The following GSTT4 variants were observed in gnomAD, a reference collection of about 807,000 sequenced individuals.
GSTT4 encodes the protein glutathione S-transferase theta-4.
At chr22:24,002,349 A>C (rs943629374) in intron 2 of GSTT4, among the ~76,000 whole-genome samples, 2 of 152,192 alleles carry the variant, frequency 1.3e-5, no homozygotes, top group Non-Finnish European at 2.9e-5. Flanking sequence ...AGGGAAGGGG[A>C]TGGAGGGGAG....
intron 1 of GSTT4, chr22:24,004,084 C>G (rs1569041440): frequency 6.5e-6 from 1 of 153,548 alleles, no homozygotes; most frequent in Admixed American, 6.5e-5. Context: ...TGCCTCCTAC[C>G]TGTGTCCCAG....
intron 2 of GSTT4, among the ~76,000 whole-genome samples, chr22:24,002,854 C>A (rs993054205): frequency 5.5e-5 from 8 of 145,630 alleles, no homozygotes; most frequent in African/African-American, 1.0e-4. Context: ...AAAAAAACTT[C>A]TTTGGATCCT....
chr22:24,003,503 G>A (rs945097740), intron 2 of GSTT4, among the ~76,000 whole-genome samples: 2 of 152,266 alleles, frequency 1.3e-5, no homozygotes, highest in African/African-American at 4.8e-5. Flanking sequence ...GCATGAGCTG[G>A]CTTCTAAACA....
downstream of GSTT4, among the ~76,000 whole-genome samples, chr22:23,996,090 T>G (rs2034112613): frequency 6.6e-6 from 1 of 151,996 alleles, no homozygotes; most frequent in South Asian, 2.1e-4. Flanking sequence ...ACTACAGGCA[T>G]GCGCCACCAC....
chr22:23,995,132 TG>T (rs201500882), downstream of GSTT4, among the ~76,000 whole-genome samples: 1 of 151,448 alleles, frequency 6.6e-6, no homozygotes, highest in Non-Finnish European at 1.5e-5. Flanking sequence ...GTTTTTTTTT[TG>T]TTTGTTTGTT....
At chr22:24,004,792 T>G in intron 1 of GSTT4, 1 of 152,420 alleles carries the variant, frequency 6.6e-6, no homozygotes, top group Non-Finnish European at 1.5e-5. Context: ...TGGACAAGGA[T>G]GCAGCCTACA....
chr22:23,994,337 C>G (rs2844004), downstream of GSTT4, among the ~76,000 whole-genome samples: 1 of 145,138 alleles, frequency 6.9e-6, no homozygotes, highest in Non-Finnish European at 1.6e-5. Context: ...AGTTTTGTCA[C>G]CATCACAGTT....
downstream of GSTT4, among the ~76,000 whole-genome samples, chr22:23,995,145 T>TG (rs2034104083): frequency 2.7e-5 from 4 of 147,624 alleles, no homozygotes; most frequent in African/African-American, 7.5e-5. Flanking sequence ...TTGTTTGTTT[T>TG]TTTTTTGAGT....
In GSTT4 at chr22:24,003,860, G is replaced by A. The variant is rs2034292827; in HGVS notation, c.113-13C>T. 1 of 155,566 alleles carries A rather than the reference G, an allele frequency of 6.4e-6. No individual in the cohort carries two copies. The highest frequency in any genetic ancestry group is 1.5e-5 in the Non-Finnish European group (1 of 68,506). 9.6% of individuals were successfully genotyped at this position (155,566 alleles called of 1,614,324 possible). On this transcript the variant is annotated splice_polypyrimidine_tract_variant and intron_variant, in intron 1 of 4. Coordinates refer to ENST00000621179, the MANE Select transcript of GSTT4 (RefSeq NM_001358664.2). ...CTGTGGTGGTGACCTGGGAGGGGCA[G>A]GGAAGGTCTGAGGCTGTGGGACTCC...
downstream of GSTT4, among the ~76,000 whole-genome samples, chr22:23,997,867 T>C (rs1238837918): frequency 2.6e-5 from 4 of 152,184 alleles, no homozygotes; most frequent in African/African-American, 9.7e-5. Context: ...TGTTGTGTTT[T>C]CATTTTTATT....
chr22:24,004,726 A>G (rs1250885302), intron 1 of GSTT4: 36 of 153,602 alleles, frequency 2.3e-4, no homozygotes, highest in Non-Finnish European at 4.2e-4. Context: ...CTCCTCGAAA[A>G]GCCTGTTCAT....
Position 23,998,468 on chromosome 22 carries a change from T to C in GSTT4, c.*74A>G, listed in dbSNP as rs1361908379. The C allele has an allele frequency of 1.3e-5, 2 of 154,422 alleles. No homozygotes were observed. The highest frequency in any genetic ancestry group is 2.9e-5 in the Non-Finnish European group (2 of 68,044). 9.6% of individuals were successfully genotyped at this position (154,422 alleles called of 1,614,324 possible). ...TTTTTGTTTTTTTGTTTTTTTTTTT[T>C]TAACATTTCCTTTAAGGAAGGTGGC... On this transcript the variant is annotated 3_prime_UTR_variant, in exon 5 of 5. Coordinates refer to ENST00000621179, the MANE Select transcript of GSTT4 (RefSeq NM_001358664.2).
At chr22:23,993,904 C>G (rs1156390259), downstream of GSTT4, among the ~76,000 whole-genome samples, 1 of 146,728 alleles carries the variant, frequency 6.8e-6, no homozygotes, top group Non-Finnish European at 1.5e-5. Flanking sequence ...CCCCAGGATA[C>G]ACGTTTATGG....
chr22:23,993,958 C>T (rs2034092175), downstream of GSTT4, among the ~76,000 whole-genome samples: 1 of 152,200 alleles, frequency 6.6e-6, no homozygotes, highest in African/African-American at 2.4e-5. Context: ...CATAACTTTA[C>T]ACCCAACAGT....
rs1232729994 is a variant in GSTT4 at position 23,998,440 on chromosome 22, G to GTTTTTTT, written c.*95_*101dup. 7.6e-4 allele frequency: 106 copies of GTTTTTTT among 139,982 alleles called. 6 individuals are homozygous for GTTTTTTT. In the East Asian group the frequency reaches 8.0e-3, roughly 11 times the overall value. 8.7% of individuals were successfully genotyped at this position (139,982 alleles called of 1,614,324 possible). On this transcript the variant is annotated 3_prime_UTR_variant, in exon 5 of 5. Transcript: ENST00000621179. ...GTTCTTTATTAGGCAAAGAACAGTT[G>GTTTTTTT]TTTTTTTGTTTTTTTGTTTTTTTTT...
chr22:23,991,244 G>A, the GSTT4 span: 531 of 83,064 alleles, frequency 6.4e-3, 2 homozygotes, highest in Middle Eastern at 0.021. Context: ...CTGATTCTTC[G>A]TGTTAGTCTG....
At chr22:23,990,484 C>T in the GSTT4 span, among the ~76,000 whole-genome samples, 33 of 52,592 alleles carry the variant, frequency 6.3e-4, no homozygotes, top group African/African-American at 1.3e-3. Flanking sequence ...TAGCTGGGCA[C>T]GGGGACGTGC....
intron 1 of GSTT4, chr22:24,004,828 T>G (rs1237291762): frequency 6.5e-6 from 1 of 153,498 alleles, no homozygotes; most frequent in Non-Finnish European, 1.4e-5. Context: ...TTTCCTTCCC[T>G]GTGGACCTCT....
the GSTT4 span, among the ~76,000 whole-genome samples, chr22:23,991,875 A>AC: frequency 2.9e-4 from 37 of 129,658 alleles, no homozygotes; most frequent in South Asian, 8.8e-4. Flanking sequence ...TAAAACGGTG[A>AC]AACCCGTCTC....
Sources: gnomAD v4.1 joint callset for allele counts (sites outside exome capture counted in the v4.1 genomes callset) on GRCh38, gnomAD v4.1.1 for gene constraint, MANE v1.5 for transcripts, NCBI Gene and HGNC (gene_info 2026-07-23, HGNC 2026-07-21) for gene names.